PARPBP: variants seen among roughly 807,000 people sequenced by gnomAD.
PARPBP encodes the protein PARP1 binding protein, also known as PCNA-interacting partner.
In PARPBP, 52 loss-of-function variants were observed where a neutral mutation model predicts 50.0. The observed-to-expected ratio is 1.04, with a 90% CI of 0.83 to 1.31. PARPBP has a LOEUF of 1.31. Ranked by LOEUF, PARPBP falls within the 50% of genes most tolerant of loss-of-function variation. The pLI, the probability that PARPBP is intolerant of heterozygous loss-of-function variation, is 0.00. For missense variants in PARPBP, 697 were observed against 672.0 expected (o/e 1.04, Z -0.41); for synonymous variants, 244 against 232.1 (o/e 1.05, Z -0.47).
At chr12:102,136,668 A>G (rs749452975) in intron 2 of PARPBP, among the ~76,000 whole-genome samples, 12 of 152,112 alleles carry the variant, frequency 7.9e-5, no homozygotes, top group Non-Finnish European at 1.3e-4. Flanking sequence ...TGAGATTTTC[A>G]CAGTTCTTGT....
intron 4 of PARPBP, among the ~76,000 whole-genome samples, chr12:102,157,504 T>A (rs1281586966): frequency 6.6e-6 from 1 of 152,142 alleles, no homozygotes; most frequent in Non-Finnish European, 1.5e-5. Flanking sequence ...TTAACTTGTT[T>A]CTCTATTTGC....
intron 3 of PARPBP, among the ~76,000 whole-genome samples, chr12:102,152,313 T>C (rs559051413): frequency 2.0e-5 from 3 of 152,116 alleles, no homozygotes; most frequent in South Asian, 4.2e-4. Context: ...ACTCTCAAAC[T>C]GCAGGATGGG....
At chr12:102,173,031 A>G (rs1231884804) in intron 6 of PARPBP, among the ~76,000 whole-genome samples, 1 of 152,174 alleles carries the variant, frequency 6.6e-6, no homozygotes, top group Non-Finnish European at 1.5e-5. Context: ...AATAATTAAT[A>G]ATGTTGGATA....
intron 4 of PARPBP, among the ~76,000 whole-genome samples, chr12:102,162,685 G>A (rs1887723086): frequency 6.6e-6 from 1 of 152,060 alleles, no homozygotes; most frequent in Non-Finnish European, 1.5e-5. Flanking sequence ...TGCTGCTTGT[G>A]GTGGCACATG....
chr12:102,138,639 T>C (rs968991167), intron 2 of PARPBP, among the ~76,000 whole-genome samples: 3 of 152,236 alleles, frequency 2.0e-5, no homozygotes, highest in Non-Finnish European at 4.4e-5. Context: ...TTCAAGTCTT[T>C]AATCCATCTT....
chr12:102,135,536 CAAAAAAAAA>C (rs34890863), intron 2 of PARPBP, among the ~76,000 whole-genome samples: 1 of 50,556 alleles, frequency 2.0e-5, no homozygotes, highest in African/African-American at 7.3e-5. Context: ...ACTCCGTCTC[CAAAAAAAAA>C]AAAAAAAAAA....
rs1009889507 is a variant in PARPBP, at chr12:102,148,475, T to G, written c.387+12T>G. 1.2e-5 allele frequency: 12 copies of G among 1,026,188 alleles called. No homozygotes were observed. Among genetic ancestry groups the G allele is most frequent in the Non-Finnish European group, 1.8e-5 (12 of 680,550 alleles). The allele number at this position is 1,026,188 out of a possible 1,614,324, so 63.6% of individuals were successfully genotyped here. A position where few individuals can be genotyped will look rare whatever the true frequency, so the allele number is the denominator to read the frequency against. On this transcript the variant is annotated intron_variant, in intron 3 of 10. Transcript: ENST00000327680. ...ACACAGTATCTCCTGTAAGTATTTT[T>G]TAAACAATTCTATTTTAATCAAATT...
At chr12:102,195,069 C>CAA (rs146804709) in intron 9 of PARPBP, among the ~76,000 whole-genome samples, 3 of 143,882 alleles carry the variant, frequency 2.1e-5, no homozygotes, top group East Asian at 2.0e-4. Context: ...TAACTGTTAC[C>CAA]AAAAAAAAAA....
intron 9 of PARPBP, among the ~76,000 whole-genome samples, chr12:102,186,772 A>T (rs749312627): frequency 3.3e-5 from 5 of 152,130 alleles, no homozygotes; most frequent in Non-Finnish European, 5.9e-5. Context: ...ATAGCATATT[A>T]TATTGAATGT....
At chr12:102,156,964 T>G (rs565713655) in intron 4 of PARPBP, among the ~76,000 whole-genome samples, 1 of 152,366 alleles carries the variant, frequency 6.6e-6, no homozygotes, top group East Asian at 1.9e-4. Context: ...AAATATGATA[T>G]GTAAATGGTC....
At chr12:102,162,153 G>A (rs1887669709) in intron 4 of PARPBP, among the ~76,000 whole-genome samples, 2 of 152,076 alleles carry the variant, frequency 1.3e-5, no homozygotes, top group African/African-American at 4.8e-5. Flanking sequence ...CTATCTAAGA[G>A]GCTTGCTAAG....
chr12:102,131,564 CA>C (rs1319817336), intron 2 of PARPBP, among the ~76,000 whole-genome samples: 2 of 152,110 alleles, frequency 1.3e-5, no homozygotes, highest in Middle Eastern at 3.4e-3. Flanking sequence ...GTGCTATTGA[CA>C]GAAGCAAAGA....
At chr12:102,161,257 C>T (rs556877657) in intron 4 of PARPBP, among the ~76,000 whole-genome samples, 4 of 151,972 alleles carry the variant, frequency 2.6e-5, no homozygotes, top group African/African-American at 9.6e-5. Context: ...AGGTGTGTGC[C>T]ACCACGTCCA....
chr12:102,158,079 C>T (rs1312825526), intron 4 of PARPBP, among the ~76,000 whole-genome samples: 4 of 145,380 alleles, frequency 2.8e-5, no homozygotes, highest in Non-Finnish European at 4.5e-5. Flanking sequence ...CGAGATGGTG[C>T]CACTGCACTC....
chr12:102,127,120 C>T (rs953499134), intron 2 of PARPBP, among the ~76,000 whole-genome samples: 3 of 152,154 alleles, frequency 2.0e-5, no homozygotes, highest in Non-Finnish European at 4.4e-5. Flanking sequence ...ATGGGCTAGA[C>T]ACACTGACTC....
chr12:102,139,708 G>T (rs1300599711), intron 2 of PARPBP, among the ~76,000 whole-genome samples: 1 of 152,130 alleles, frequency 6.6e-6, no homozygotes, highest in Admixed American at 6.6e-5. Flanking sequence ...GTTGAATTTT[G>T]TGGAAGGCCT....
intron 9 of PARPBP, among the ~76,000 whole-genome samples, chr12:102,190,379 C>G (rs968121534): frequency 6.6e-6 from 1 of 152,094 alleles, no homozygotes; most frequent in Non-Finnish European, 1.5e-5. Context: ...AACAGACAAA[C>G]CTTCCTGCCC....
intron 6 of PARPBP, among the ~76,000 whole-genome samples, chr12:102,170,794 CT>C (rs1185593025): frequency 6.6e-6 from 1 of 151,690 alleles, no homozygotes; most frequent in Non-Finnish European, 1.5e-5. Flanking sequence ...AATTTTGAAA[CT>C]TTTTGAGTCT....
At chr12:102,148,531 G>T in intron 3 of PARPBP, 68 bp downstream of exon 3, 1 of 609,182 alleles carries the variant, frequency 1.6e-6, no homozygotes, top group Non-Finnish European at 2.7e-6. Flanking sequence ...TTGAATTATA[G>T]TATCACCAGT....
Sources: allele counts gnomAD v4.1 joint callset (sites outside exome capture counted in the v4.1 genomes callset), GRCh38; gene constraint gnomAD v4.1.1; transcripts MANE v1.5; gene names NCBI Gene and HGNC (gene_info 2026-07-23, HGNC 2026-07-21).